Variants in CNTNAP3B observed in about 807,000 individuals in gnomAD.
CNTNAP3B encodes contactin-associated protein-like 3B.
In CNTNAP3B, 25 loss-of-function variants were observed where a neutral mutation model predicts 108.9. That is an observed-to-expected ratio of 0.23 (90% CI 0.17 to 0.32). CNTNAP3B has a LOEUF of 0.32. CNTNAP3B is among the 10% of genes least tolerant of loss of function. The pLI is 1.00. For missense variants in CNTNAP3B, 252 were observed against 1,210.4 expected (o/e 0.21, Z 11.75); for synonymous variants, 103 against 473.4 (o/e 0.22, Z 10.16).
At chr9:41,925,564 G>A (rs1823793733) in intron 15 of CNTNAP3B, among the ~76,000 whole-genome samples, 1 of 152,182 alleles carries the variant, frequency 6.6e-6, no homozygotes, top group Admixed American at 6.5e-5. Flanking sequence ...CTGCACTCCA[G>A]CCTGCGCAAC....
chr9:41,947,873 A>G (rs1157752720), intron 13 of CNTNAP3B, among the ~76,000 whole-genome samples: 11 of 152,238 alleles, frequency 7.2e-5, no homozygotes, highest in Non-Finnish European at 1.6e-4. Flanking sequence ...AACGAATAAT[A>G]AGAAAATACT....
chr9:41,928,334 T>C (rs1416257740), intron 15 of CNTNAP3B, among the ~76,000 whole-genome samples: 2 of 152,068 alleles, frequency 1.3e-5, no homozygotes, highest in Non-Finnish European at 2.9e-5. Flanking sequence ...TTGGCCCAGG[T>C]GGATGCTACA....
At chr9:41,958,890 G>C (rs965615655) in intron 12 of CNTNAP3B, among the ~76,000 whole-genome samples, 1 of 139,846 alleles carries the variant, frequency 7.2e-6, no homozygotes, top group African/African-American at 2.8e-5. Flanking sequence ...TGAGAACCCA[G>C]TCAAGCTAGG....
chr9:41,963,074 T>A (rs1825155017), intron 11 of CNTNAP3B, among the ~76,000 whole-genome samples: 1 of 152,272 alleles, frequency 6.6e-6, no homozygotes, highest in African/African-American at 2.4e-5. Context: ...TCCTGGACTG[T>A]CTCCTCTTTT....
At chr9:42,078,870 C>G (rs1277702373) in intron 2 of CNTNAP3B, among the ~76,000 whole-genome samples, 1 of 151,500 alleles carries the variant, frequency 6.6e-6, no homozygotes, top group South Asian at 2.1e-4. Context: ...TCCAACTTAA[C>G]TTTTCAGGAT....
chr9:41,935,888 G>C (rs1372938016), intron 14 of CNTNAP3B, among the ~76,000 whole-genome samples: 1 of 152,292 alleles, frequency 6.6e-6, no homozygotes, highest in Non-Finnish European at 1.5e-5. Context: ...AAGTGACATG[G>C]CTAAGGGTAT....
chr9:41,949,262 A>G (rs1469087428), intron 13 of CNTNAP3B, among the ~76,000 whole-genome samples: 9 of 79,478 alleles, frequency 1.1e-4, no homozygotes, highest in African/African-American at 3.3e-4. Context: ...AAATAAATGG[A>G]AAGATATCTC....
At chr9:42,076,136 C>T (rs1190166125) in intron 3 of CNTNAP3B, among the ~76,000 whole-genome samples, 1 of 49,488 alleles carries the variant, frequency 2.0e-5, no homozygotes, top group African/African-American at 6.9e-5. Flanking sequence ...TAAATCTGGC[C>T]AGGTGCGGTG....
At chr9:42,095,999 C>A (rs1287785229) in intron 2 of CNTNAP3B, among the ~76,000 whole-genome samples, 1 of 138,614 alleles carries the variant, frequency 7.2e-6, no homozygotes, top group African/African-American at 2.9e-5. Context: ...CTTTCTCCTC[C>A]CTCTGCCAGA....
At chr9:41,942,509 G>C (rs1394292040) in intron 13 of CNTNAP3B, among the ~76,000 whole-genome samples, 1 of 151,436 alleles carries the variant, frequency 6.6e-6, no homozygotes, top group Non-Finnish European at 1.5e-5. Context: ...TACTGGGGAG[G>C]CTGAGGCGGG....
chr9:42,094,217 A>C lies in CNTNAP3B; in HGVS notation c.196+10412T>G, dbSNP rs566781548. Among the ~76,000 whole-genome samples the C allele has an allele frequency of 4.0e-4, 56 of 139,612 alleles. 11 individuals carry two copies. Among genetic ancestry groups the C allele is most frequent in the Non-Finnish European group, 7.1e-4 (46 of 65,102 alleles). The allele number at this position is 139,612 out of a possible 152,430, so 91.6% of individuals were successfully genotyped here. A position where few individuals can be genotyped will look rare whatever the true frequency, so the allele number is the denominator to read the frequency against. ...AAATGCTGAGAGCTTTTTAAGGGAAAGTGCCAGACATATTTAGCATGCAGG... is the reference window on the plus strand; with the variant it reads ...AAATGCTGAGAGCTTTTTAAGGGAACGTGCCAGACATATTTAGCATGCAGG... On this transcript the variant is annotated intron_variant, in intron 2 of 23. Transcript: ENST00000377561.
intron 1 of CNTNAP3B, among the ~76,000 whole-genome samples, chr9:42,117,819 A>G (rs1285188508): frequency 1.4e-5 from 2 of 138,634 alleles, no homozygotes; most frequent in Non-Finnish European, 3.1e-5. Flanking sequence ...AATCAAATAG[A>G]AACAATAAAA....
At position 41,950,803 on chromosome 9, in the gene CNTNAP3B, C is replaced by G. The variant is rs573459580; in HGVS notation, c.2080+2380G>C. Among the ~76,000 whole-genome samples the G allele has an allele frequency of 1.7e-4, 23 of 138,370 alleles. No homozygotes were observed. In the South Asian group the frequency reaches 2.0e-3, roughly 12 times the overall value. The allele number at this position is 138,370 out of a possible 152,430, so 90.8% of individuals were successfully genotyped here. ...CGGAACGGAGTCTTGCTCTGTCGCC[C>G]AGGCTGGAGTGCAGTGGCGCCATCT... On this transcript the variant is annotated intron_variant, in intron 13 of 23. Coordinates refer to ENST00000377561, the MANE Select transcript of CNTNAP3B (RefSeq NM_001201380.3).
intron 3 of CNTNAP3B, among the ~76,000 whole-genome samples, chr9:42,066,957 A>C (rs1827279413): frequency 6.6e-6 from 1 of 150,784 alleles, no homozygotes; most frequent in Non-Finnish European, 1.5e-5. Context: ...AGCCTCTCTG[A>C]GACCAAATTA....
At chr9:42,024,695 C>T (rs1019252696) in intron 3 of CNTNAP3B, among the ~76,000 whole-genome samples, 3 of 112,822 alleles carry the variant, frequency 2.7e-5, no homozygotes, top group Non-Finnish European at 5.7e-5. Context: ...GAAAAAAAAA[C>T]ATGAAAAGAT....
In CNTNAP3B at chr9:42,094,089, C is replaced by G. The variant is rs948498030; in HGVS notation, c.196+10540G>C. Among the ~76,000 whole-genome samples, 30 of 137,122 alleles carry G rather than the reference C, an allele frequency of 2.2e-4. 11 individuals carry two copies. The highest frequency in any genetic ancestry group is 8.1e-4 in the African/African-American group (28 of 34,384). The allele number at this position is 137,122 out of a possible 152,430, so 90.0% of individuals were successfully genotyped here. On this transcript the variant is annotated intron_variant, in intron 2 of 23. Transcript: ENST00000377561. ...AGCCTGGATGATTCCAAGCTTATCC[C>G]TAATCACTAAGGATAAGATAGCACC... is the stretch of plus-strand genomic sequence containing the variant.
chr9:41,964,694 A>G, intron 10 of CNTNAP3B, 50 bp from the exon 11 acceptor site: 1 of 1,536,100 alleles, frequency 6.5e-7, no homozygotes, highest in Non-Finnish European at 8.8e-7. Context: ...ATCATCAAAA[A>G]ATAAGTGTCT....
chr9:42,110,547 A>G lies in CNTNAP3B; in HGVS notation c.86-5808T>C, dbSNP rs1283330732. Among the ~76,000 whole-genome samples, 2 of 134,898 alleles carry G rather than the reference A, an allele frequency of 1.5e-5. 1 individual carries two copies. Among genetic ancestry groups the G allele is most frequent in the African/African-American group, 5.9e-5 (2 of 33,786 alleles). 88.5% of individuals were successfully genotyped at this position (134,898 alleles called of 152,430 possible). On this transcript the variant is annotated intron_variant, in intron 1 of 23. Coordinates refer to ENST00000377561, the MANE Select transcript of CNTNAP3B (RefSeq NM_001201380.3). Reference sequence around the variant, plus strand: ...TCTTTGTTCTAAAAAAAAAAAAAAGAAAAAAAAAGATTCCTGTCCTTTCTC... The same window carrying G: ...TCTTTGTTCTAAAAAAAAAAAAAAGGAAAAAAAAGATTCCTGTCCTTTCTC...
intron 15 of CNTNAP3B, among the ~76,000 whole-genome samples, chr9:41,928,534 G>A (rs1438341270): frequency 1.3e-5 from 2 of 152,198 alleles, no homozygotes; most frequent in African/African-American, 4.8e-5. Context: ...TTGGTATTAG[G>A]GGATGGAGAC....
Sources: gnomAD v4.1 joint callset for allele counts (sites outside exome capture counted in the v4.1 genomes callset) on GRCh38, gnomAD v4.1.1 for gene constraint, MANE v1.5 for transcripts, NCBI Gene and HGNC (gene_info 2026-07-23, HGNC 2026-07-21) for gene names.